Variants in CARMIL1 observed in about 807,000 individuals in gnomAD.
CARMIL1 encodes the protein capping protein regulator and myosin 1 linker 1, also known as F-actin-uncapping protein LRRC16A.
Under a neutral mutation model 177.1 loss-of-function variants are expected in CARMIL1, and 90 were observed. The ratio of observed to expected loss-of-function variants is 0.51; its 90% CI spans 0.43 to 0.61. The LOEUF is 0.61. Among genes scored for constraint, CARMIL1 ranks in the 20% least tolerant of loss-of-function variants. The pLI is 0.00. For missense variants in CARMIL1, 1,380 were observed against 1,667.0 expected, an observed-to-expected ratio of 0.83 and a Z score of 3.00; for synonymous variants, 577 against 606.2, an observed-to-expected ratio of 0.95 and a Z score of 0.71.
intron 11 of CARMIL1, 122 bp downstream of exon 11, chr6:25,472,643 C>A: frequency 1.4e-6 from 1 of 714,158 alleles, no homozygotes; most frequent in Non-Finnish European, 2.3e-6. Context: ...GTTAATGGTC[C>A]TGTTGGCTTC....
chr6:25,546,127 T>G (rs1809438059), intron 26 of CARMIL1, among the ~76,000 whole-genome samples: 1 of 152,124 alleles, frequency 6.6e-6, no homozygotes, highest in Non-Finnish European at 1.5e-5. Context: ...TTTTTCCAAT[T>G]TTTTGTAGGT....
intron 5 of CARMIL1, among the ~76,000 whole-genome samples, chr6:25,447,370 G>A (rs553977705): frequency 6.6e-6 from 1 of 152,180 alleles, no homozygotes; most frequent in African/African-American, 2.4e-5. Context: ...CAACCTCCCA[G>A]GCCCTAGCAT....
intron 2 of CARMIL1, among the ~76,000 whole-genome samples, chr6:25,343,017 C>T (rs75784835): frequency 0.1 from 15,847 of 152,172 alleles, 866 homozygotes; most frequent in South Asian, 0.17. Context: ...CCTTCTAAAG[C>T]GCTCCAGCCT....
At chr6:25,405,664 A>G (rs149077891) in intron 2 of CARMIL1, among the ~76,000 whole-genome samples, 1 of 152,364 alleles carries the variant, frequency 6.6e-6, no homozygotes, top group South Asian at 2.1e-4. Context: ...AGCACTTGAC[A>G]CTTCTATGCC....
At position 25,600,680 on chromosome 6, in the gene CARMIL1, G is replaced by T; in HGVS notation, c.3486G>T (p.Val1162=). 1 of 1,605,318 alleles carries T rather than the reference G, an allele frequency of 6.2e-7. No homozygotes were observed. The highest frequency in any genetic ancestry group is 1.7e-5 in the Admixed American group (1 of 58,878). Reference sequence around the variant, plus strand: ...CAGGGCGGAGGTATGGGGTCCAGGTGATGGGCAGTGGTCTGCTGGCAGAGA... The same window carrying T: ...CAGGGCGGAGGTATGGGGTCCAGGTTATGGGCAGTGGTCTGCTGGCAGAGA... ...PQAGRRYGVQ[V]MGSGLLAEMK... is the part of the protein sequence containing the mutation. The change falls in exon 33 of 37, where the codon GTG becomes GTT. Residue 1162 remains valine (V), a synonymous_variant. Coordinates refer to ENST00000329474, the MANE Select transcript of CARMIL1 (RefSeq NM_017640.6).
intron 36 of CARMIL1, 100 bp from the exon 37 acceptor site, chr6:25,619,347 C>G: frequency 1.4e-5 from 18 of 1,249,094 alleles, no homozygotes; most frequent in Non-Finnish European, 2.0e-5. Flanking sequence ...GCCCCCTCCC[C>G]TCCCCCAAAC....
chr6:25,563,493 G>A, intron 29 of CARMIL1: 1 of 985,408 alleles, frequency 1.0e-6, no homozygotes. Flanking sequence ...CCAGGTGATG[G>A]GGTAAAAGAA....
intron 26 of CARMIL1, among the ~76,000 whole-genome samples, chr6:25,544,643 A>ACACACACC (rs1809268515): frequency 1.4e-5 from 2 of 138,852 alleles, no homozygotes; most frequent in African/African-American, 5.4e-5. Context: ...ACACACACAC[A>ACACACACC]CACCCCAAAC....
Position 25,556,684 on chromosome 6 carries a change from A to C in CARMIL1, c.2593-17A>C. The C allele has an allele frequency of 1.2e-6, 2 of 1,600,354 alleles. No homozygotes were observed. The highest frequency in any genetic ancestry group is 1.7e-6 in the Non-Finnish European group (2 of 1,174,322). ...TCTGTACTTTAATTTCTCCTCGTACACGTCTTGACCTTCTAGGCTGACCAT... is the reference window on the plus strand; with the variant it reads ...TCTGTACTTTAATTTCTCCTCGTACCCGTCTTGACCTTCTAGGCTGACCAT... On this transcript the variant is annotated splice_polypyrimidine_tract_variant and intron_variant, in intron 28 of 36. Transcript: ENST00000329474.
chr6:25,414,475 C>T (rs1262743639), intron 2 of CARMIL1, among the ~76,000 whole-genome samples: 1 of 152,120 alleles, frequency 6.6e-6, no homozygotes, highest in Non-Finnish European at 1.5e-5. Flanking sequence ...TGCAACTGCC[C>T]CTGACTCTGC....
chr6:25,478,079 C>G (rs1251400622), intron 11 of CARMIL1, among the ~76,000 whole-genome samples: 7 of 151,978 alleles, frequency 4.6e-5, no homozygotes, highest in African/African-American at 9.7e-5. Context: ...GGCTTCTCCA[C>G]TCACTCTATT....
At chr6:25,348,190 TG>T (rs1234305027) in intron 2 of CARMIL1, among the ~76,000 whole-genome samples, 1 of 152,046 alleles carries the variant, frequency 6.6e-6, no homozygotes, top group East Asian at 1.9e-4. Context: ...TGGAGTGCAA[TG>T]GTGCGATCTT....
chr6:25,361,374 C>T (rs934023108), intron 2 of CARMIL1, among the ~76,000 whole-genome samples: 1 of 151,950 alleles, frequency 6.6e-6, no homozygotes, highest in African/African-American at 2.4e-5. Flanking sequence ...AAGTCTTTAC[C>T]TTTCCCCCCC....
intron 25 of CARMIL1, among the ~76,000 whole-genome samples, chr6:25,538,224 A>G (rs926157423): frequency 3.3e-5 from 5 of 152,210 alleles, no homozygotes; most frequent in Admixed American, 6.5e-5. Flanking sequence ...TGGGCCCTCA[A>G]CAACTGAGAG....
chr6:25,471,800 T>G (rs1166390336), intron 10 of CARMIL1, among the ~76,000 whole-genome samples: 2 of 152,186 alleles, frequency 1.3e-5, no homozygotes, highest in African/African-American at 4.8e-5. Flanking sequence ...AGGTTAACAC[T>G]TGCATAGTCT....
At chr6:25,547,491 A>G (rs1473651101) in intron 26 of CARMIL1, among the ~76,000 whole-genome samples, 1 of 152,170 alleles carries the variant, frequency 6.6e-6, no homozygotes, top group Non-Finnish European at 1.5e-5. Context: ...ATATATTCAA[A>G]TGTTAGAAAT....
At chr6:25,377,855 A>C (rs1170144190) in intron 2 of CARMIL1, among the ~76,000 whole-genome samples, 2 of 152,150 alleles carry the variant, frequency 1.3e-5, no homozygotes, top group African/African-American at 4.8e-5. Flanking sequence ...TGCTTGCAAA[A>C]GAGTACCAGC....
At chr6:25,404,196 T>C (rs1794147420) in intron 2 of CARMIL1, among the ~76,000 whole-genome samples, 1 of 152,174 alleles carries the variant, frequency 6.6e-6, no homozygotes, top group African/African-American at 2.4e-5. Flanking sequence ...AGGAGCCACA[T>C]AGAAGGGAGT....
chr6:25,530,946 A>C (rs1164278569), intron 24 of CARMIL1, among the ~76,000 whole-genome samples: 2 of 152,240 alleles, frequency 1.3e-5, no homozygotes, highest in African/African-American at 4.8e-5. Context: ...AAGAATGGCA[A>C]GCTTAATTAT....
Sources: gnomAD v4.1 joint callset for allele counts (sites outside exome capture counted in the v4.1 genomes callset) on GRCh38, gnomAD v4.1.1 for gene constraint, MANE v1.5 for transcripts, NCBI Gene and HGNC (gene_info 2026-07-23, HGNC 2026-07-21) for gene names.